The following NKAIN3 variants were observed in gnomAD, a reference collection of about 807,000 sequenced individuals.
NKAIN3 encodes the protein sodium/potassium transporting ATPase interacting 3, also known as sodium/potassium-transporting ATPase subunit beta-1-interacting protein 3.
A neutral mutation model predicts 30.2 loss-of-function variants in NKAIN3; 25 were observed. The ratio of observed to expected loss-of-function variants is 0.83; its 90% CI spans 0.60 to 1.16. NKAIN3 has a LOEUF of 1.16. NKAIN3 is among the 50% of genes most tolerant of loss of function. The pLI is 0.00. For missense variants in NKAIN3, 225 were observed against 254.1 expected, an observed-to-expected ratio of 0.89 and a Z score of 0.78; for synonymous variants, 91 against 89.6, an observed-to-expected ratio of 1.02 and a Z score of -0.09.
intron 1 of NKAIN3, among the ~76,000 whole-genome samples, chr8:62,553,654 A>G (rs1809294611): frequency 6.6e-6 from 1 of 151,120 alleles, no homozygotes; most frequent in Non-Finnish European, 1.5e-5. Flanking sequence ...CTCTTGCCTC[A>G]GCCTCCCGAA....
chr8:62,870,221 T>TATATATAGATATAGATATCTATAG (rs1820563084), intron 4 of NKAIN3, among the ~76,000 whole-genome samples: 1 of 143,752 alleles, frequency 7.0e-6, no homozygotes. Flanking sequence ...TATATATATC[T>TATATATAGATATAGATATCTATAG]ATATCTATAT....
chr8:62,656,032 AT>A lies in NKAIN3; in HGVS notation c.273+66239del, dbSNP rs1200639565. Among the ~76,000 whole-genome samples the A allele has an allele frequency of 7.9e-5, 12 of 152,186 alleles. No individual in the cohort carries two copies. The East Asian group carries it at 1.9e-3, about 25-fold the overall frequency. Reference sequence around the variant, plus strand: ...ATCTCTGGCCAAACCTCATGTCCTTATCCCCCACAAAGACCAGAGTGATGGC... The same window carrying A: ...ATCTCTGGCCAAACCTCATGTCCTTACCCCCACAAAGACCAGAGTGATGGC... On this transcript the variant is annotated intron_variant, in intron 3 of 6. Coordinates refer to ENST00000623646, the MANE Select transcript of NKAIN3 (RefSeq NM_001304533.3).
intron 3 of NKAIN3, among the ~76,000 whole-genome samples, chr8:62,648,046 G>T (rs1367708118): frequency 1.3e-5 from 2 of 152,092 alleles, no homozygotes; most frequent in Non-Finnish European, 1.5e-5. Context: ...GGACCAAAGT[G>T]ATTCTCGGGT....
At chr8:62,931,361 C>T (rs1446599249) in intron 5 of NKAIN3, among the ~76,000 whole-genome samples, 1 of 152,152 alleles carries the variant, frequency 6.6e-6, no homozygotes, top group Non-Finnish European at 1.5e-5. Flanking sequence ...TCTAACAAAT[C>T]TAATATAATC....
At chr8:62,668,893 G>C (rs1813213254) in intron 3 of NKAIN3, among the ~76,000 whole-genome samples, 1 of 152,068 alleles carries the variant, frequency 6.6e-6, no homozygotes, top group South Asian at 2.1e-4. Flanking sequence ...GGTGCCTCTT[G>C]ATAGCAGTCA....
At chr8:62,893,340 T>G (rs1821345031) in intron 4 of NKAIN3, among the ~76,000 whole-genome samples, 1 of 152,214 alleles carries the variant, frequency 6.6e-6, no homozygotes. Context: ...TTGAGTGGAC[T>G]GCTGATATAC....
chr8:62,823,701 A>G lies in NKAIN3; in HGVS notation c.471+76572A>G, dbSNP rs1431977105. 2.0e-5 allele frequency among the ~76,000 whole-genome samples: 3 copies of G among 152,270 alleles called. No homozygotes were observed. In the East Asian group the frequency reaches 5.8e-4, roughly 29 times the overall value. The stretch of plus-strand genomic sequence containing the variant: ...GTGTAGGAGTACCTTCCACCTTTAT[A>G]ATCGCTGGAGATTTGTATATTTAGG... On this transcript the variant is annotated intron_variant, in intron 4 of 6. Coordinates refer to ENST00000623646, the MANE Select transcript of NKAIN3 (RefSeq NM_001304533.3).
intron 1 of NKAIN3, among the ~76,000 whole-genome samples, chr8:62,343,152 T>G (rs1253618654): frequency 6.6e-6 from 1 of 152,090 alleles, no homozygotes; most frequent in African/African-American, 2.4e-5. Context: ...CTCCAGAGTC[T>G]GACTGACCAT....
At chr8:62,858,201 A>T (rs1820121815) in intron 4 of NKAIN3, among the ~76,000 whole-genome samples, 1 of 152,142 alleles carries the variant, frequency 6.6e-6, no homozygotes, top group South Asian at 2.1e-4. Flanking sequence ...TCTGCGAAAT[A>T]GCAAAGATGG....
chr8:62,719,740 T>C (rs917937630), intron 3 of NKAIN3, among the ~76,000 whole-genome samples: 1 of 149,898 alleles, frequency 6.7e-6, no homozygotes, highest in African/African-American at 2.5e-5. Flanking sequence ...TGCATACATT[T>C]ATACATTTCT....
chr8:62,811,110 T>C (rs1188245655), intron 4 of NKAIN3, among the ~76,000 whole-genome samples: 1 of 152,136 alleles, frequency 6.6e-6, no homozygotes, highest in African/African-American at 2.4e-5. Context: ...TGTTGTTATA[T>C]GTTGTCATCT....
At chr8:62,587,310 C>T (rs1810507255) in intron 2 of NKAIN3, among the ~76,000 whole-genome samples, 1 of 151,878 alleles carries the variant, frequency 6.6e-6, no homozygotes. Flanking sequence ...TTAGAAGAAA[C>T]TTGTAATGTA....
intron 5 of NKAIN3, among the ~76,000 whole-genome samples, chr8:62,953,455 G>A (rs922438168): frequency 9.2e-5 from 14 of 152,274 alleles, no homozygotes; most frequent in African/African-American, 3.4e-4. Flanking sequence ...GGAGTGGCTT[G>A]GGGACAGAAG....
intron 4 of NKAIN3, among the ~76,000 whole-genome samples, chr8:62,857,524 C>T (rs1269130342): frequency 6.6e-6 from 1 of 152,144 alleles, no homozygotes; most frequent in Non-Finnish European, 1.5e-5. Flanking sequence ...TCACATAGTT[C>T]TTGGAGGTTT....
intron 3 of NKAIN3, among the ~76,000 whole-genome samples, chr8:62,635,356 T>C (rs1210993251): frequency 6.6e-6 from 1 of 152,162 alleles, no homozygotes; most frequent in Non-Finnish European, 1.5e-5. Context: ...ATAAAAGGCC[T>C]GATTTGTGAA....
At chr8:62,560,510 T>C (rs1404716635) in intron 1 of NKAIN3, among the ~76,000 whole-genome samples, 1 of 149,854 alleles carries the variant, frequency 6.7e-6, no homozygotes. Context: ...ATTTTCCAGT[T>C]CACTGAATCT....
At chr8:62,433,493 T>G (rs757311341) in intron 1 of NKAIN3, among the ~76,000 whole-genome samples, 2 of 152,124 alleles carry the variant, frequency 1.3e-5, no homozygotes, top group Non-Finnish European at 2.9e-5. Flanking sequence ...GGGATCTGGG[T>G]AAGTTATTTG....
intron 4 of NKAIN3, among the ~76,000 whole-genome samples, chr8:62,866,672 C>T (rs1358338893): frequency 6.6e-6 from 1 of 152,030 alleles, no homozygotes; most frequent in Non-Finnish European, 1.5e-5. Flanking sequence ...ATCCATATGC[C>T]TTTGCAATAA....
intron 3 of NKAIN3, 81 bp downstream of exon 3, chr8:62,589,875 T>TTGTGTG (rs35791396): frequency 0.066 from 28,023 of 426,904 alleles, 739 homozygotes; most frequent in African/African-American, 0.1. Flanking sequence ...TATAGGTATA[T>TTGTGTG]TGTGTGTGTG....
Sources: allele counts gnomAD v4.1 joint callset (sites outside exome capture counted in the v4.1 genomes callset), GRCh38; gene constraint gnomAD v4.1.1; transcripts MANE v1.5; gene names NCBI Gene and HGNC (gene_info 2026-07-23, HGNC 2026-07-21).